EDIL3: variants seen among roughly 807,000 people sequenced by gnomAD.
EDIL3 encodes EGF-like repeat and discoidin I-like domain-containing protein 3.
Under a neutral mutation model 67.4 loss-of-function variants are expected in EDIL3, and 37 were observed. That is an observed-to-expected ratio of 0.55 (90% CI 0.42 to 0.72). EDIL3 has a LOEUF of 0.72. EDIL3 is among the 30% of genes least tolerant of loss of function. The pLI, the probability that EDIL3 is intolerant of heterozygous loss-of-function variation, is 0.00. For synonymous variants in EDIL3, 195 were observed against 196.3 expected, an observed-to-expected ratio of 0.99 and a Z score of 0.05; for missense variants, 527 against 586.3, an observed-to-expected ratio of 0.90 and a Z score of 1.04.
At chr5:84,292,249 G>A (rs1022103224) in intron 1 of EDIL3, among the ~76,000 whole-genome samples, 1 of 151,746 alleles carries the variant, frequency 6.6e-6, no homozygotes, top group Non-Finnish European at 1.5e-5. Flanking sequence ...TTTCATACCT[G>A]CTTACTAACA....
chr5:83,948,994 A>G (rs1467016879), intron 10 of EDIL3, among the ~76,000 whole-genome samples: 1 of 151,872 alleles, frequency 6.6e-6, no homozygotes, highest in Non-Finnish European at 1.5e-5. Context: ...TTTCCAGATA[A>G]ATTTCAATAT....
intron 6 of EDIL3, among the ~76,000 whole-genome samples, chr5:84,097,010 G>A (rs1278398310): frequency 6.6e-6 from 1 of 152,110 alleles, no homozygotes; most frequent in Non-Finnish European, 1.5e-5. Context: ...ATTATTGTGA[G>A]GCCTCCCCAG....
chr5:84,173,004 C>G (rs1748839008), intron 4 of EDIL3, among the ~76,000 whole-genome samples: 1 of 152,122 alleles, frequency 6.6e-6, no homozygotes, highest in Non-Finnish European at 1.5e-5. Flanking sequence ...TAGTGCCATC[C>G]CTACTGAAGT....
chr5:84,293,451 T>C (rs1219005009), intron 1 of EDIL3, among the ~76,000 whole-genome samples: 1 of 150,682 alleles, frequency 6.6e-6, no homozygotes, highest in African/African-American at 2.5e-5. Flanking sequence ...TCTTAACCAC[T>C]GTGCTACAGC....
At chr5:84,242,860 C>A (rs964783029) in intron 2 of EDIL3, among the ~76,000 whole-genome samples, 3 of 149,074 alleles carry the variant, frequency 2.0e-5, no homozygotes, top group African/African-American at 7.4e-5. Context: ...TTGAAAGTAA[C>A]CCTCCCCATA....
chr5:84,172,959 G>A (rs1293022816), intron 4 of EDIL3, among the ~76,000 whole-genome samples: 1 of 152,140 alleles, frequency 6.6e-6, no homozygotes, highest in Non-Finnish European at 1.5e-5. Flanking sequence ...TGTCTCCTTT[G>A]CTGGCTCTGG....
At chr5:84,369,794 C>A (rs779044874) in intron 1 of EDIL3, among the ~76,000 whole-genome samples, 3 of 152,040 alleles carry the variant, frequency 2.0e-5, no homozygotes, top group Non-Finnish European at 4.4e-5. Context: ...GAAAATTAAA[C>A]CCCCAAACGC....
chr5:84,038,889 G>T (rs1417913771), intron 9 of EDIL3, among the ~76,000 whole-genome samples: 2 of 152,166 alleles, frequency 1.3e-5, no homozygotes, highest in Non-Finnish European at 2.9e-5. Context: ...TAAGAAAGAG[G>T]CAGGGAAAAT....
chr5:84,137,599 C>G (rs1748117211), intron 4 of EDIL3, among the ~76,000 whole-genome samples: 1 of 152,150 alleles, frequency 6.6e-6, no homozygotes, highest in Non-Finnish European at 1.5e-5. Flanking sequence ...CTAAACCACT[C>G]TCCCATTCTG....
At chr5:84,162,230 A>G (rs1748626861) in intron 4 of EDIL3, among the ~76,000 whole-genome samples, 1 of 152,090 alleles carries the variant, frequency 6.6e-6, no homozygotes, top group South Asian at 2.1e-4. Context: ...CCAGGTGGGC[A>G]TGTTCCCTTG....
chr5:84,283,999 C>A (rs541824359), intron 1 of EDIL3, among the ~76,000 whole-genome samples: 28 of 152,072 alleles, frequency 1.8e-4, no homozygotes, highest in African/African-American at 5.3e-4. Context: ...ATTCTACCTC[C>A]TAAAACATCC....
intron 1 of EDIL3, among the ~76,000 whole-genome samples, chr5:84,366,281 T>G (rs776960399): frequency 1.3e-5 from 2 of 152,156 alleles, no homozygotes; most frequent in Admixed American, 6.6e-5. Flanking sequence ...ATCATCATCA[T>G]GATCATCATC....
intron 9 of EDIL3, among the ~76,000 whole-genome samples, chr5:84,048,802 T>C (rs1313970048): frequency 6.6e-6 from 1 of 152,136 alleles, no homozygotes; most frequent in Non-Finnish European, 1.5e-5. Context: ...TAAAATAAGT[T>C]TTTAGTTAAT....
chr5:83,986,712 T>G (rs918373414), intron 9 of EDIL3, among the ~76,000 whole-genome samples: 2 of 152,002 alleles, frequency 1.3e-5, no homozygotes, highest in Non-Finnish European at 1.5e-5. Context: ...AAAATACCTG[T>G]AGAAGGGACA....
intron 9 of EDIL3, among the ~76,000 whole-genome samples, chr5:83,975,869 T>A (rs1289586152): frequency 6.6e-6 from 1 of 151,892 alleles, no homozygotes; most frequent in Admixed American, 6.6e-5. Flanking sequence ...AAAAAAACTA[T>A]CCTCATAAAC....
chr5:84,295,805 T>A (rs1446693212), intron 1 of EDIL3, among the ~76,000 whole-genome samples: 1 of 152,136 alleles, frequency 6.6e-6, no homozygotes, highest in Non-Finnish European at 1.5e-5. Context: ...ATTTGCTATG[T>A]TTTAATGGAA....
intron 4 of EDIL3, among the ~76,000 whole-genome samples, chr5:84,156,211 A>C (rs1232692227): frequency 6.6e-6 from 1 of 152,168 alleles, no homozygotes; most frequent in Non-Finnish European, 1.5e-5. Flanking sequence ...ATCATGCTTT[A>C]TATGAAGGAG....
chr5:84,021,936 G>A (rs963860656), intron 9 of EDIL3, among the ~76,000 whole-genome samples: 5 of 151,868 alleles, frequency 3.3e-5, no homozygotes, highest in African/African-American at 2.4e-5. Flanking sequence ...AAAAGCCCAG[G>A]ATTAGATGAA....
chr5:83,981,379 T>C (rs1195200316), intron 9 of EDIL3, among the ~76,000 whole-genome samples: 1 of 152,104 alleles, frequency 6.6e-6, no homozygotes, highest in Non-Finnish European at 1.5e-5. Context: ...TAATGTTAAC[T>C]TTTGTTAAAT....
Sources: gnomAD v4.1 joint callset for allele counts (sites outside exome capture counted in the v4.1 genomes callset) on GRCh38, gnomAD v4.1.1 for gene constraint, MANE v1.5 for transcripts, NCBI Gene and HGNC (gene_info 2026-07-23, HGNC 2026-07-21) for gene names.